The following ROBO2 variants were observed in gnomAD, a reference collection of about 807,000 sequenced individuals.
ROBO2 encodes the protein roundabout guidance receptor 2, also known as roundabout homolog 2.
A neutral mutation model predicts 160.8 loss-of-function variants in ROBO2; 53 were observed. That is an observed-to-expected ratio of 0.33 (90% CI 0.26 to 0.41). The LOEUF (loss-of-function observed/expected upper bound fraction) is 0.41, where lower values mean the gene tolerates loss of function less well. Among genes scored for constraint, ROBO2 ranks in the 10% least tolerant of loss-of-function variants. ROBO2 has a pLI of 1.00. For missense variants in ROBO2, 1,577 were observed against 1,722.4 expected (o/e 0.92, Z 1.49); for synonymous variants, 664 against 611.7 (o/e 1.09, Z -1.26).
At chr3:76,632,366 A>G (rs2090080656) in intron 2 of ROBO2, among the ~76,000 whole-genome samples, 1 of 152,146 alleles carries the variant, frequency 6.6e-6, no homozygotes, top group Non-Finnish European at 1.5e-5. Context: ...TCTGTGCATT[A>G]GCCTGTTTAA....
At chr3:76,056,102 A>G (rs2067835770) in intron 2 of ROBO2, among the ~76,000 whole-genome samples, 2 of 152,266 alleles carry the variant, frequency 1.3e-5, no homozygotes, top group South Asian at 2.1e-4. Context: ...TAAAAATAAT[A>G]CAAATGAAAA....
chr3:77,459,382 G>T (rs528852797), intron 2 of ROBO2, among the ~76,000 whole-genome samples: 1 of 152,270 alleles, frequency 6.6e-6, no homozygotes, highest in African/African-American at 2.4e-5. Flanking sequence ...GTTTAGTAAT[G>T]ACAAGAATTG....
intron 2 of ROBO2, among the ~76,000 whole-genome samples, chr3:76,529,739 A>C (rs1459979334): frequency 6.6e-6 from 1 of 152,184 alleles, no homozygotes; most frequent in Non-Finnish European, 1.5e-5. Flanking sequence ...TTTCTAGAGT[A>C]AAGCATGTTG....
intron 2 of ROBO2, among the ~76,000 whole-genome samples, chr3:76,037,066 A>G (rs985903587): frequency 5.3e-5 from 8 of 151,792 alleles, no homozygotes; most frequent in African/African-American, 1.9e-4. Flanking sequence ...TTCTGCCCTT[A>G]AGTACTATAT....
chr3:76,518,082 T>A (rs911291402), intron 2 of ROBO2, among the ~76,000 whole-genome samples: 2 of 152,124 alleles, frequency 1.3e-5, no homozygotes, highest in African/African-American at 4.8e-5. Context: ...TAATTACTTA[T>A]GTGAATTGGA....
At chr3:77,470,127 G>A (rs1221033780) in intron 2 of ROBO2, among the ~76,000 whole-genome samples, 1 of 152,118 alleles carries the variant, frequency 6.6e-6, no homozygotes, top group Non-Finnish European at 1.5e-5. Context: ...GGGCATGGAG[G>A]TTACAGAAAT....
rs1460499086 is a variant in ROBO2, at chr3:77,108,013, AACAT to A, written c.388+9679_388+9682del. ...ATATATATGTGTGTGTGTGCATATA[AACAT>A]ACATATATTTTTTTCTTAACATGAG... On this transcript the variant is annotated intron_variant, in intron 2 of 25. Transcript: ENST00000461745. Among the ~76,000 whole-genome samples the A allele has an allele frequency of 2.0e-5, 3 of 151,646 alleles. No individual in the cohort carries two copies. The South Asian group carries it at 6.2e-4, about 31-fold the overall frequency.
chr3:76,984,751 T>TA (rs1013018650), intron 2 of ROBO2, among the ~76,000 whole-genome samples: 4 of 151,578 alleles, frequency 2.6e-5, no homozygotes, highest in Non-Finnish European at 4.4e-5. Context: ...TTAGAAAAAT[T>TA]AAAAAAAATG....
chr3:76,265,623 A>G (rs796819300), intron 2 of ROBO2, among the ~76,000 whole-genome samples: 84 of 152,254 alleles, frequency 5.5e-4, no homozygotes, highest in African/African-American at 1.9e-3. Flanking sequence ...GCAAAGTGTT[A>G]TATTAGCTCC....
At chr3:77,033,907 T>A (rs2063472458) in intron 2 of ROBO2, among the ~76,000 whole-genome samples, 1 of 152,012 alleles carries the variant, frequency 6.6e-6, no homozygotes, top group South Asian at 2.1e-4. Context: ...ACTTTTTTCT[T>A]AAATTACGTT....
At chr3:76,379,244 C>T (rs770954573) in intron 2 of ROBO2, among the ~76,000 whole-genome samples, 15 of 152,058 alleles carry the variant, frequency 9.9e-5, no homozygotes, top group Middle Eastern at 3.4e-3. Context: ...GAATATGCAA[C>T]GAGAAATGTC....
chr3:77,505,550 G>C (rs906217762), intron 5 of ROBO2, among the ~76,000 whole-genome samples: 6 of 152,140 alleles, frequency 3.9e-5, no homozygotes, highest in Admixed American at 3.9e-4. Flanking sequence ...GTGAGATTTA[G>C]TAGTATTTTT....
intron 2 of ROBO2, among the ~76,000 whole-genome samples, chr3:76,451,004 C>A (rs2077447780): frequency 1.3e-5 from 2 of 152,086 alleles, no homozygotes; most frequent in African/African-American, 4.8e-5. Flanking sequence ...TCCACAGTGG[C>A]CGCAGACGCC....
chr3:76,696,689 A>G (rs935904414), intron 2 of ROBO2, among the ~76,000 whole-genome samples: 2 of 152,236 alleles, frequency 1.3e-5, no homozygotes, highest in Non-Finnish European at 2.9e-5. Flanking sequence ...TCAAGGGTAC[A>G]GAGCTATGAT....
intron 2 of ROBO2, among the ~76,000 whole-genome samples, chr3:76,225,207 A>T (rs1016601744): frequency 6.6e-6 from 1 of 152,116 alleles, no homozygotes; most frequent in Non-Finnish European, 1.5e-5. Context: ...TTCCCCACAG[A>T]AAAAAGAGCA....
At chr3:77,467,811 C>T (rs1398154094) in intron 2 of ROBO2, among the ~76,000 whole-genome samples, 2 of 151,548 alleles carry the variant, frequency 1.3e-5, no homozygotes, top group Non-Finnish European at 2.9e-5. Context: ...ATTATATCTT[C>T]TAATGCCCAA....
rs541822419 is a variant in ROBO2, at chr3:76,043,289, G to T, written c.109+105687G>T. 2.0e-5 allele frequency among the ~76,000 whole-genome samples: 3 copies of T among 151,766 alleles called. No homozygotes were observed. In the East Asian group the frequency reaches 5.8e-4, roughly 29 times the overall value. On this transcript the variant is annotated intron_variant, in intron 2 of 26. Coordinates refer to the ROBO2 transcript ENST00000487694. Reference sequence around the variant, plus strand: ...TTTTCACATACTGTGCCCTGGAATAGTCTCTCCCTTTTCGTTTGTAAGGGG... The same window carrying T: ...TTTTCACATACTGTGCCCTGGAATATTCTCTCCCTTTTCGTTTGTAAGGGG...
At chr3:76,557,437 T>C (rs2083863869) in intron 2 of ROBO2, among the ~76,000 whole-genome samples, 1 of 151,882 alleles carries the variant, frequency 6.6e-6, no homozygotes, top group South Asian at 2.1e-4. Flanking sequence ...CTCGATGGGC[T>C]CAATACCATC....
chr3:77,426,651 T>G (rs2078235180), intron 2 of ROBO2, among the ~76,000 whole-genome samples: 1 of 133,466 alleles, frequency 7.5e-6, no homozygotes. Flanking sequence ...ACCTAAGGAG[T>G]AAAAAGAATA....
Sources: gnomAD v4.1 joint callset for allele counts (sites outside exome capture counted in the v4.1 genomes callset) on GRCh38, gnomAD v4.1.1 for gene constraint, MANE v1.5 for transcripts, NCBI Gene and HGNC (gene_info 2026-07-23, HGNC 2026-07-21) for gene names.